PPP2R2B: variants seen among roughly 807,000 people sequenced by gnomAD.
The protein encoded by PPP2R2B is protein phosphatase 2 regulatory subunit Bbeta.
In PPP2R2B, 5 loss-of-function variants were observed where a neutral mutation model predicts 46.0. The observed-to-expected ratio is 0.11, with a 90% CI of 0.06 to 0.23. The LOEUF is 0.23. Ranked by LOEUF, PPP2R2B falls within the 10% of genes least tolerant of loss-of-function variation. The pLI, the probability that PPP2R2B is intolerant of heterozygous loss-of-function variation, is 1.00. For synonymous variants in PPP2R2B, 215 were observed against 206.7 expected, an observed-to-expected ratio of 1.04 and a Z score of -0.34; for missense variants, 367 against 575.0, an observed-to-expected ratio of 0.64 and a Z score of 3.70.
intron 1 of PPP2R2B, among the ~76,000 whole-genome samples, chr5:147,001,226 C>A (rs1287863848): frequency 6.6e-6 from 1 of 152,184 alleles, no homozygotes; most frequent in Non-Finnish European, 1.5e-5. Context: ...CTGCTCAGGT[C>A]CCCTTCCACG....
At position 146,937,232 on chromosome 5, in the gene PPP2R2B, C is replaced by G. The variant is rs1764179008; in HGVS notation, c.79+118433G>C. On this transcript the variant is annotated intron_variant, in intron 1 of 8. Transcript: ENST00000336640. Reference sequence around the variant, plus strand: ...AGGAGAATCGATTGAACCAGGGAGGCAGAACTTGCAGTGAGCCGAGATCAT... The same window carrying G: ...AGGAGAATCGATTGAACCAGGGAGGGAGAACTTGCAGTGAGCCGAGATCAT... Among the ~76,000 whole-genome samples the G allele has an allele frequency of 2.0e-5, 3 of 150,660 alleles. No homozygotes were observed. In the South Asian group the frequency reaches 6.4e-4, roughly 32 times the overall value.
At chr5:146,697,916 A>T in intron 4 of PPP2R2B, 63 bp downstream of exon 4, 1 of 1,470,836 alleles carries the variant, frequency 6.8e-7, no homozygotes, top group South Asian at 1.3e-5. Context: ...AGGTTAAGAG[A>T]GATTGAAGTA....
At chr5:146,978,593 GACAGTTTTCCTAA>G (rs1341126279) in intron 1 of PPP2R2B, among the ~76,000 whole-genome samples, 1 of 152,172 alleles carries the variant, frequency 6.6e-6, no homozygotes, top group Non-Finnish European at 1.5e-5. Context: ...CATATGGCTA[GACAGTTTTCCTAA>G]CATCATTTAT....
chr5:146,644,651 A>T (rs1247102745), intron 6 of PPP2R2B, among the ~76,000 whole-genome samples: 1 of 152,214 alleles, frequency 6.6e-6, no homozygotes, highest in Non-Finnish European at 1.5e-5. Flanking sequence ...TTTTGATTCT[A>T]TCTCCATTTT....
intron 2 of PPP2R2B, among the ~76,000 whole-genome samples, chr5:147,080,622 G>T (rs192970208): frequency 3.9e-5 from 6 of 152,166 alleles, no homozygotes; most frequent in Non-Finnish European, 7.3e-5. Flanking sequence ...CTAAGATTGG[G>T]ATTCAATGTT....
upstream of PPP2R2B, among the ~76,000 whole-genome samples, chr5:146,880,917 A>G (rs1762145145): frequency 6.6e-6 from 1 of 152,220 alleles, no homozygotes; most frequent in Non-Finnish European, 1.5e-5. Flanking sequence ...CATTTGGCCA[A>G]CTACTCTTTT....
At chr5:146,923,888 C>A (rs1337619308) in intron 1 of PPP2R2B, among the ~76,000 whole-genome samples, 2 of 152,130 alleles carry the variant, frequency 1.3e-5, no homozygotes, top group African/African-American at 4.8e-5. Context: ...TACTATGCAG[C>A]CACAGGAAAG....
chr5:147,019,842 G>A (rs1288535974), intron 1 of PPP2R2B, among the ~76,000 whole-genome samples: 1 of 152,110 alleles, frequency 6.6e-6, no homozygotes, highest in Non-Finnish European at 1.5e-5. Flanking sequence ...AGCCTCCGAG[G>A]CTAGATCTGA....
chr5:146,871,735 A>G (rs1284087506), intron 2 of PPP2R2B, among the ~76,000 whole-genome samples: 3 of 152,224 alleles, frequency 2.0e-5, no homozygotes, highest in African/African-American at 7.2e-5. Context: ...CCTGAGCAGC[A>G]TGGGTGAGCA....
At chr5:146,998,008 A>G (rs1657879212) in intron 1 of PPP2R2B, among the ~76,000 whole-genome samples, 1 of 152,186 alleles carries the variant, frequency 6.6e-6, no homozygotes, top group Non-Finnish European at 1.5e-5. Context: ...TAGGGAAACA[A>G]AGAGGGGTCA....
intron 2 of PPP2R2B, among the ~76,000 whole-genome samples, chr5:147,068,317 A>C (rs1757472888): frequency 6.6e-6 from 1 of 152,160 alleles, no homozygotes; most frequent in African/African-American, 2.4e-5. Flanking sequence ...AATCAAAATA[A>C]AGTTATGCAG....
At chr5:146,921,898 C>T (rs1763620916) in intron 1 of PPP2R2B, among the ~76,000 whole-genome samples, 1 of 152,204 alleles carries the variant, frequency 6.6e-6, no homozygotes, top group Admixed American at 6.5e-5. Flanking sequence ...GTGCAAGTCA[C>T]TTGGATGAGT....
chr5:147,018,681 G>A (rs1755120948), intron 1 of PPP2R2B, among the ~76,000 whole-genome samples: 1 of 152,116 alleles, frequency 6.6e-6, no homozygotes, highest in Admixed American at 6.6e-5. Context: ...AGTTGGTGTT[G>A]TGTTAGTTTC....
At chr5:146,890,922 A>T (rs1762473685) in intron 1 of PPP2R2B, among the ~76,000 whole-genome samples, 1 of 152,206 alleles carries the variant, frequency 6.6e-6, no homozygotes, top group South Asian at 2.1e-4. Context: ...TCCTGCTTCC[A>T]AATGCTGACT....
chr5:146,992,829 C>A (rs970966120), intron 1 of PPP2R2B, among the ~76,000 whole-genome samples: 1 of 152,226 alleles, frequency 6.6e-6, no homozygotes, highest in South Asian at 2.1e-4. Context: ...TCAGCCTTGG[C>A]TGGCATGGGG....
intron 1 of PPP2R2B, among the ~76,000 whole-genome samples, chr5:146,946,337 G>A (rs888648861): frequency 2.0e-5 from 3 of 152,030 alleles, no homozygotes; most frequent in Non-Finnish European, 4.4e-5. Flanking sequence ...AGTATGATAG[G>A]ACAACAGCAA....
chr5:146,781,671 T>C (rs543800799), intron 2 of PPP2R2B, among the ~76,000 whole-genome samples: 2 of 151,922 alleles, frequency 1.3e-5, no homozygotes. Context: ...CAATACCAGT[T>C]AAAAAAATGA....
chr5:146,647,990 G>T (rs1316266552), intron 6 of PPP2R2B, among the ~76,000 whole-genome samples: 2 of 152,184 alleles, frequency 1.3e-5, no homozygotes, highest in African/African-American at 4.8e-5. Flanking sequence ...TCTGATTAAA[G>T]CTGCCTTCCC....
At chr5:146,687,028 T>TG (rs955869417) in intron 5 of PPP2R2B, among the ~76,000 whole-genome samples, 1 of 146,384 alleles carries the variant, frequency 6.8e-6, no homozygotes, top group African/African-American at 2.6e-5. Context: ...TGTGTGTATG[T>TG]GTGTGTGTGT....
Sources: allele counts gnomAD v4.1 joint callset (sites outside exome capture counted in the v4.1 genomes callset), GRCh38; gene constraint gnomAD v4.1.1; transcripts MANE v1.5; gene names NCBI Gene and HGNC (gene_info 2026-07-23, HGNC 2026-07-21).